ARL15: variants seen among roughly 807,000 people sequenced by gnomAD.
ARL15 encodes ADP-ribosylation factor-like protein 15.
In ARL15, 19 loss-of-function variants were observed where a neutral mutation model predicts 25.2. That is an observed-to-expected ratio of 0.75 (90% CI 0.53 to 1.10). The LOEUF is 1.10. ARL15 is among the 50% of genes least tolerant of loss of function. The probability of loss-of-function intolerance (pLI) is 0.00; values close to 1 mark genes in which losing one functional copy is unlikely to be tolerated. For missense variants in ARL15, 220 were observed against 246.0 expected, an observed-to-expected ratio of 0.89 and a Z score of 0.71; for synonymous variants, 94 against 86.8, an observed-to-expected ratio of 1.08 and a Z score of -0.46.
At chr5:54,091,204 T>A (rs1752117415) in intron 4 of ARL15, among the ~76,000 whole-genome samples, 1 of 152,176 alleles carries the variant, frequency 6.6e-6, no homozygotes, top group Admixed American at 6.5e-5. Flanking sequence ...TTAATCTAAA[T>A]TGTGCTATTG....
At chr5:54,080,002 CACACACACACACACAG>C (rs1331019073) in intron 4 of ARL15, among the ~76,000 whole-genome samples, 35 of 117,836 alleles carry the variant, frequency 3.0e-4, no homozygotes, top group South Asian at 5.1e-4. Flanking sequence ...CACACACACA[CACACACACACACACAG>C]ACACAGATGT....
intron 4 of ARL15, among the ~76,000 whole-genome samples, chr5:53,970,581 A>G (rs1404956287): frequency 2.6e-5 from 4 of 152,176 alleles, no homozygotes; most frequent in Admixed American, 2.0e-4. Context: ...ATTCTTAATG[A>G]CACAGTTGCT....
chr5:54,265,642 T>A (rs889092729), intron 1 of ARL15, among the ~76,000 whole-genome samples: 1 of 76,146 alleles, frequency 1.3e-5, no homozygotes, highest in Non-Finnish European at 3.2e-5. Flanking sequence ...ATATAAAAAA[T>A]GTTAACTATT....
chr5:54,118,216 C>T (rs62370403), intron 3 of ARL15, among the ~76,000 whole-genome samples: 2,610 of 152,230 alleles, frequency 0.017, 37 homozygotes, highest in Non-Finnish European at 0.024. Context: ...AGACAATCAA[C>T]AGTTACTTAA....
Position 53,885,752 on chromosome 5 carries a change from A to C in ARL15, c.*809T>G, listed in dbSNP as rs1210519841. ...TCAAACACTTGAAGTTTTTAGAAAA[A>C]GATACCTATGTTACATTGCAGCTTC... On this transcript the variant is annotated 3_prime_UTR_variant, in exon 5 of 5. Transcript: ENST00000504924. The C allele has an allele frequency of 6.6e-6, 1 of 152,188 alleles. No homozygotes were observed. Among genetic ancestry groups the C allele is most frequent in the East Asian group, 1.9e-4 (1 of 5,196 alleles). The allele number at this position is 152,188 out of a possible 1,614,324, so 9.4% of individuals were successfully genotyped here.
intron 1 of ARL15, among the ~76,000 whole-genome samples, chr5:54,263,802 C>A (rs1038749023): frequency 6.6e-6 from 1 of 152,036 alleles, no homozygotes; most frequent in Non-Finnish European, 1.5e-5. Context: ...TTTTAGGCTG[C>A]AAAAATGTAT....
chr5:54,042,380 T>C (rs949746941), intron 4 of ARL15, among the ~76,000 whole-genome samples: 1 of 152,254 alleles, frequency 6.6e-6, no homozygotes, highest in Non-Finnish European at 1.5e-5. Context: ...TGTGACAGCC[T>C]ATCTTGTCGG....
intron 1 of ARL15, 96 bp downstream of exon 1, chr5:54,310,336 C>CAAAG (rs1349131919): frequency 7.1e-7 from 1 of 1,409,170 alleles, no homozygotes; most frequent in Non-Finnish European, 9.7e-7. Context: ...CATCCTATCC[C>CAAAG]AAAGAAAGAA....
intron 3 of ARL15, among the ~76,000 whole-genome samples, chr5:54,125,070 G>GT (rs1753203668): frequency 5.1e-5 from 7 of 135,986 alleles, no homozygotes; most frequent in African/African-American, 8.7e-5. Context: ...CAAGTTTTTT[G>GT]TTTTGTTTTG....
intron 4 of ARL15, among the ~76,000 whole-genome samples, chr5:54,057,662 T>A (rs909947248): frequency 6.6e-6 from 1 of 152,084 alleles, no homozygotes; most frequent in Non-Finnish European, 1.5e-5. Context: ...GGCAACATAG[T>A]GAGACCTAGT....
At chr5:53,937,376 T>A (rs941527925) in intron 4 of ARL15, among the ~76,000 whole-genome samples, 3 of 152,210 alleles carry the variant, frequency 2.0e-5, no homozygotes, top group Non-Finnish European at 4.4e-5. Flanking sequence ...CACTAGTTTT[T>A]CTTTGTCTAG....
intron 4 of ARL15, among the ~76,000 whole-genome samples, chr5:54,018,174 T>C (rs949244237): frequency 7.9e-5 from 12 of 152,202 alleles, no homozygotes; most frequent in African/African-American, 2.9e-4. Context: ...ACAAAAACTC[T>C]AATGCTTCAC....
At chr5:54,211,986 G>C (rs1464003307) in intron 1 of ARL15, among the ~76,000 whole-genome samples, 1 of 152,094 alleles carries the variant, frequency 6.6e-6, no homozygotes, top group Non-Finnish European at 1.5e-5. Context: ...ATTCCATTAG[G>C]AATGTGTCTG....
chr5:53,899,347 C>CAAAA lies in ARL15; in HGVS notation c.463-12638_463-12635dup, dbSNP rs59145507. Reference sequence around the variant, plus strand: ...TGGGTAACAGAGTGAGACTCTATCCCAAAAAAAAAAAAAAAAAAAAAAAAA... The same window carrying CAAAA: ...TGGGTAACAGAGTGAGACTCTATCCCAAAAAAAAAAAAAAAAAAAAAAAAAAAAA... On this transcript the variant is annotated intron_variant, in intron 4 of 4. Coordinates refer to ENST00000504924, the MANE Select transcript of ARL15 (RefSeq NM_019087.3). Among the ~76,000 whole-genome samples the CAAAA allele has an allele frequency of 3.5e-3, 308 of 89,226 alleles. 2 individuals carry two copies. The highest frequency in any genetic ancestry group is 0.011 in the East Asian group (16 of 1,460). The allele number at this position is 89,226 out of a possible 152,430, so 58.5% of individuals were successfully genotyped here.
At chr5:54,086,933 T>C (rs1751979188) in intron 4 of ARL15, among the ~76,000 whole-genome samples, 1 of 152,230 alleles carries the variant, frequency 6.6e-6, no homozygotes, top group South Asian at 2.1e-4. Context: ...AGTCAACACA[T>C]ACTTTATGGC....
At chr5:53,967,302 A>T in intron 4 of ARL15, among the ~76,000 whole-genome samples, 1 of 152,250 alleles carries the variant, frequency 6.6e-6, no homozygotes, top group Non-Finnish European at 1.5e-5. Context: ...ATCACAAGTT[A>T]TCTCTTCTCT....
chr5:54,138,503 C>T (rs976500259), intron 3 of ARL15, among the ~76,000 whole-genome samples: 1 of 152,104 alleles, frequency 6.6e-6, no homozygotes, highest in African/African-American at 2.4e-5. Flanking sequence ...TACCTCTCCA[C>T]TTACACAAAA....
intron 4 of ARL15, among the ~76,000 whole-genome samples, chr5:53,924,109 G>T (rs1745943216): frequency 6.6e-6 from 1 of 152,182 alleles, no homozygotes. Context: ...TCCGGAGAAA[G>T]GTATTTGTCT....
chr5:53,888,062 A>G (rs1483879273), intron 4 of ARL15, among the ~76,000 whole-genome samples: 1 of 152,052 alleles, frequency 6.6e-6, no homozygotes, highest in Non-Finnish European at 1.5e-5. Flanking sequence ...TCAATGTCTG[A>G]AAGTTCATAA....
Sources: allele counts gnomAD v4.1 joint callset (sites outside exome capture counted in the v4.1 genomes callset), GRCh38; gene constraint gnomAD v4.1.1; transcripts MANE v1.5; gene names NCBI Gene and HGNC (gene_info 2026-07-23, HGNC 2026-07-21).